Variants in CLEC2D observed in about 807,000 individuals in gnomAD.
CLEC2D encodes the protein C-type lectin related f.
CLEC2D carries 16 observed loss-of-function variants against 20.0 expected under a neutral mutation model. The observed-to-expected ratio is 0.80, with a 90% confidence interval of 0.54 to 1.22. The LOEUF is 1.22. Among genes scored for constraint, CLEC2D ranks in the 50% most tolerant of loss-of-function variants. The pLI, the probability that CLEC2D is intolerant of heterozygous loss-of-function variation, is 0.00. For synonymous variants in CLEC2D, 77 were observed against 71.1 expected (o/e 1.08, Z -0.42); for missense variants, 207 against 221.5 (o/e 0.93, Z 0.42).
At chr12:9,669,919 G>A in intron 1 of CLEC2D, 124 bp downstream of exon 1, 3 of 632,034 alleles carry the variant, frequency 4.7e-6, no homozygotes, top group East Asian at 2.8e-5. Flanking sequence ...GATGGAATGT[G>A]GGAGTCCATA....
chr12:9,690,065 T>G (rs1176490002), intron 3 of CLEC2D, among the ~76,000 whole-genome samples: 1 of 152,028 alleles, frequency 6.6e-6, no homozygotes, highest in African/African-American at 2.4e-5. Context: ...AGACAAAATA[T>G]AGTCAAGTTG....
chr12:9,669,963 A>G (rs960621223), intron 1 of CLEC2D, among the ~76,000 whole-genome samples, 168 bp downstream of exon 1: 5 of 152,196 alleles, frequency 3.3e-5, no homozygotes, highest in African/African-American at 7.2e-5. Context: ...ACATGCATAT[A>G]TTTATATTCC....
At chr12:9,688,190 ATTTTTT>A (rs71045286) in intron 3 of CLEC2D, 104 bp downstream of exon 3, 1,000 of 786,148 alleles carry the variant, frequency 1.3e-3, no homozygotes, top group East Asian at 2.5e-3. Flanking sequence ...TTTTACATTG[ATTTTTT>A]TTTTTTTTTT....
At chr12:9,679,133 A>G (rs1206103299) in intron 1 of CLEC2D, among the ~76,000 whole-genome samples, 3 of 152,152 alleles carry the variant, frequency 2.0e-5, no homozygotes, top group Non-Finnish European at 2.9e-5. Context: ...GCATATAAAT[A>G]TATATAAAAG....
intron 4 of CLEC2D, 141 bp downstream of exon 4, chr12:9,693,072 C>T: frequency 6.2e-7 from 1 of 1,613,850 alleles, no homozygotes; most frequent in Non-Finnish European, 8.5e-7. Flanking sequence ...TTGTATGTTG[C>T]AAAGGTTTCA....
intron 4 of CLEC2D, chr12:9,693,617 A>G (rs1405209910): frequency 9.4e-6 from 2 of 212,606 alleles, no homozygotes; most frequent in Non-Finnish European, 1.9e-5. Flanking sequence ...GTTTTTTCTC[A>G]TTAGCTTTTG....
intron 1 of CLEC2D, 129 bp from the exon 2 acceptor site, chr12:9,680,794 G>A: frequency 3.6e-6 from 2 of 560,628 alleles, no homozygotes; most frequent in Non-Finnish European, 6.4e-6. Flanking sequence ...TTCATAAGAT[G>A]ACAGGTCATT....
In CLEC2D at chr12:9,698,225, G is replaced by A. The variant is rs1164527208; in HGVS notation, c.*3351G>A. ...TCATCTCACATACTTATCATTTTCT[G>A]TGGTGAGAACATTTGAAATTTATTC... On this transcript the variant is annotated 3_prime_UTR_variant, in exon 5 of 5. Transcript: ENST00000290855. 6.6e-6 allele frequency: 1 copy of A among 152,108 alleles called. No individual in the cohort carries two copies. Among genetic ancestry groups the A allele is most frequent in the Admixed American group, 6.6e-5 (1 of 15,264 alleles). The allele number at this position is 152,108 out of a possible 1,614,324, so 9.4% of individuals were successfully genotyped here.
At position 9,695,270 on chromosome 12, in the gene CLEC2D, C is replaced by G. The variant is rs1332416966; in HGVS notation, c.*396C>G. ...TATACAACCATCAGATATCTTGAGA[C>G]AAGAACAGTATGGGGCTCCCTGGTG... On this transcript the variant is annotated 3_prime_UTR_variant, in exon 5 of 5. Transcript: ENST00000290855. 1.5e-6 allele frequency: 1 copy of G among 681,250 alleles called. No individual in the cohort carries two copies. The highest frequency in any genetic ancestry group is 2.1e-5 in the Admixed American group (1 of 46,706). 42.2% of individuals were successfully genotyped at this position (681,250 alleles called of 1,614,324 possible).
At chr12:9,693,347 A>G (rs770852339) in intron 4 of CLEC2D, 91 of 367,576 alleles carry the variant, frequency 2.5e-4, no homozygotes, top group African/African-American at 1.6e-3. Context: ...AAATAAGACA[A>G]TAGTTTTAAA....
chr12:9,677,799 A>G (rs1000364152), intron 1 of CLEC2D, among the ~76,000 whole-genome samples: 2 of 145,904 alleles, frequency 1.4e-5, no homozygotes, highest in Admixed American at 1.4e-4. Context: ...ATCTCATCTC[A>G]TTTCAACCAC....
intron 2 of CLEC2D, among the ~76,000 whole-genome samples, chr12:9,682,166 C>T (rs892273426): frequency 2.6e-5 from 4 of 152,040 alleles, no homozygotes; most frequent in Admixed American, 2.0e-4. Context: ...CTGGAGCCAT[C>T]TTCTAATCTG....
At chr12:9,690,879 A>G (rs1865846744) in intron 3 of CLEC2D, among the ~76,000 whole-genome samples, 1 of 152,070 alleles carries the variant, frequency 6.6e-6, no homozygotes, top group Non-Finnish European at 1.5e-5. Context: ...AAATGATTAA[A>G]TGGCAAAAGT....
chr12:9,681,876 T>C (rs1047259612), intron 2 of CLEC2D, among the ~76,000 whole-genome samples: 1 of 152,176 alleles, frequency 6.6e-6, no homozygotes, highest in Non-Finnish European at 1.5e-5. Flanking sequence ...CTTTATACAT[T>C]TATGAAGCAA....
In CLEC2D at chr12:9,695,859, T is replaced by TGCC; in HGVS notation, c.*986_*987insCCG. 9.7e-6 allele frequency: 10 copies of TGCC among 1,027,734 alleles called. No homozygotes were observed. Among genetic ancestry groups the TGCC allele is most frequent in the Non-Finnish European group, 1.4e-5 (9 of 664,008 alleles). The allele number at this position is 1,027,734 out of a possible 1,614,324, so 63.7% of individuals were successfully genotyped here. A position where few individuals can be genotyped will look rare whatever the true frequency, so the allele number is the denominator to read the frequency against. ...AAGTAAAACTTGCTGCTGCTGCTGA[T>TGCC]GATGATGATGATGAAGATGATGATG... On this transcript the variant is annotated 3_prime_UTR_variant, in exon 5 of 5. Transcript: ENST00000290855.
Position 9,695,279 on chromosome 12 carries a change from T to C in CLEC2D, c.*405T>C, listed in dbSNP as rs1389862355. 1.4e-6 allele frequency: 1 copy of C among 703,406 alleles called. No individual in the cohort carries two copies. Among genetic ancestry groups the C allele is most frequent in the Non-Finnish European group, 2.6e-6 (1 of 390,550 alleles). The allele number at this position is 703,406 out of a possible 1,614,324, so 43.6% of individuals were successfully genotyped here. A position where few individuals can be genotyped will look rare whatever the true frequency, so the allele number is the denominator to read the frequency against. On this transcript the variant is annotated 3_prime_UTR_variant, in exon 5 of 5. Coordinates refer to ENST00000290855, the MANE Select transcript of CLEC2D (RefSeq NM_013269.6). ...ATCAGATATCTTGAGACAAGAACAGTATGGGGCTCCCTGGTGTGATTCCGT... is the reference window on the plus strand; with the variant it reads ...ATCAGATATCTTGAGACAAGAACAGCATGGGGCTCCCTGGTGTGATTCCGT...
chr12:9,672,293 C>G (rs919369195), intron 1 of CLEC2D, among the ~76,000 whole-genome samples: 1 of 152,228 alleles, frequency 6.6e-6, no homozygotes, highest in African/African-American at 2.4e-5. Context: ...GGACCTGCCT[C>G]TCAACACTAT....
At chr12:9,671,442 G>C (rs992789802) in intron 1 of CLEC2D, among the ~76,000 whole-genome samples, 1 of 151,996 alleles carries the variant, frequency 6.6e-6, no homozygotes. Flanking sequence ...GGATGGTCTC[G>C]ATCTCCTGAC....
chr12:9,677,072 G>A (rs1168946260), intron 1 of CLEC2D, among the ~76,000 whole-genome samples: 1 of 149,610 alleles, frequency 6.7e-6, no homozygotes, highest in African/African-American at 2.5e-5. Context: ...TTCAAACCTA[G>A]TTTTTGGTTT....
Sources: gnomAD v4.1 joint callset for allele counts (sites outside exome capture counted in the v4.1 genomes callset) on GRCh38, gnomAD v4.1.1 for gene constraint, MANE v1.5 for transcripts, NCBI Gene and HGNC (gene_info 2026-07-23, HGNC 2026-07-21) for gene names.